Variants in TUSC3 observed in about 807,000 individuals in gnomAD.
The protein encoded by TUSC3 is tumor suppressor candidate 3.
Under a neutral mutation model 44.8 loss-of-function variants are expected in TUSC3, and 45 were observed. That is an observed-to-expected ratio of 1.00 (90% confidence interval 0.79 to 1.29). TUSC3 has a LOEUF of 1.29. Ranked by LOEUF, TUSC3 falls within the 50% of genes most tolerant of loss-of-function variation. TUSC3 has a pLI of 0.00. For missense variants in TUSC3, 519 were observed against 437.9 expected (o/e 1.19, Z -1.65); for synonymous variants, 212 against 152.9 (o/e 1.39, Z -2.85).
At chr8:15,662,081 A>T in intron 4 of TUSC3, 75 bp from the exon 5 acceptor site, 1 of 1,539,332 alleles carries the variant, frequency 6.5e-7, no homozygotes, top group Admixed American at 1.7e-5. Flanking sequence ...GTTGAAAATT[A>T]TGAGGACTAG....
intron 5 of TUSC3, among the ~76,000 whole-genome samples, chr8:15,662,907 C>T (rs35854756): frequency 0.2 from 29,725 of 151,756 alleles, 3,751 homozygotes; most frequent in Non-Finnish European, 0.29. Context: ...GAGCTGAATT[C>T]TGTAGAAGAA....
At chr8:15,726,737 C>T (rs1284927918) in intron 6 of TUSC3, among the ~76,000 whole-genome samples, 3 of 152,054 alleles carry the variant, frequency 2.0e-5, no homozygotes, top group Admixed American at 6.6e-5. Flanking sequence ...ACCCAGGAGG[C>T]GGAGGTTGCA....
At chr8:15,683,618 T>C (rs968107329) in intron 6 of TUSC3, among the ~76,000 whole-genome samples, 2 of 152,184 alleles carry the variant, frequency 1.3e-5, no homozygotes, top group African/African-American at 2.4e-5. Flanking sequence ...GTCCAGGTTC[T>C]GAATTTATAT....
At chr8:15,842,786 C>T in the TUSC3 span, among the ~76,000 whole-genome samples, 5 of 152,172 alleles carry the variant, frequency 3.3e-5, no homozygotes, top group Non-Finnish European at 7.3e-5. Flanking sequence ...GAAACATGAA[C>T]ACGTGGCACC....
intron 2 of TUSC3, among the ~76,000 whole-genome samples, chr8:15,518,456 C>G (rs73193332): frequency 4.6e-5 from 7 of 151,994 alleles, no homozygotes; most frequent in African/African-American, 1.7e-4. Context: ...TATTTCTTCT[C>G]TGTATTAAAG....
chr8:15,722,231 G>A (rs1305628960), intron 6 of TUSC3, among the ~76,000 whole-genome samples: 1 of 151,044 alleles, frequency 6.6e-6, no homozygotes, highest in Non-Finnish European at 1.5e-5. Context: ...CCTTAGTATT[G>A]ATGGGTTTTG....
the TUSC3 span, among the ~76,000 whole-genome samples, chr8:15,851,360 A>T: frequency 6.6e-6 from 1 of 152,186 alleles, no homozygotes; most frequent in African/African-American, 2.4e-5. Flanking sequence ...GACAATGTAC[A>T]ATAGGTAATT....
At chr8:15,578,140 C>T (rs1302306681) in intron 1 of TUSC3, among the ~76,000 whole-genome samples, 1 of 145,800 alleles carries the variant, frequency 6.9e-6, no homozygotes, top group Non-Finnish European at 1.5e-5. Flanking sequence ...TATAAGAATG[C>T]TTGTGATTTT....
intron 1 of TUSC3, among the ~76,000 whole-genome samples, chr8:15,477,149 T>C (rs1467422199): frequency 1.3e-5 from 2 of 152,168 alleles, no homozygotes; most frequent in African/African-American, 4.8e-5. Context: ...TCTTTTGATT[T>C]AGTTCTGGGA....
intron 1 of TUSC3, among the ~76,000 whole-genome samples, chr8:15,457,003 C>G (rs989276103): frequency 6.6e-6 from 1 of 152,036 alleles, no homozygotes; most frequent in African/African-American, 2.4e-5. Flanking sequence ...CAGAAACTAG[C>G]AAATGAACTC....
chr8:15,584,517 A>G (rs1311800582), intron 1 of TUSC3, among the ~76,000 whole-genome samples: 4 of 152,198 alleles, frequency 2.6e-5, no homozygotes, highest in Non-Finnish European at 4.4e-5. Context: ...GAGACAGGAA[A>G]ACTAACAAGA....
chr8:15,784,487 ATGT>A, the TUSC3 span, among the ~76,000 whole-genome samples: 1 of 149,668 alleles, frequency 6.7e-6, no homozygotes, highest in Non-Finnish European at 1.5e-5. Flanking sequence ...GATTCGAAAA[ATGT>A]TATGTGTATG....
the TUSC3 span, among the ~76,000 whole-genome samples, chr8:15,836,986 AG>A: frequency 6.6e-6 from 1 of 151,254 alleles, no homozygotes; most frequent in Non-Finnish European, 1.5e-5. Flanking sequence ...AATAATAACT[AG>A]TTTTTTTTCT....
chr8:15,515,845 A>G (rs977337219), intron 2 of TUSC3, among the ~76,000 whole-genome samples: 1 of 151,144 alleles, frequency 6.6e-6, no homozygotes, highest in African/African-American at 2.4e-5. Context: ...TTTTTTTTGT[A>G]TTTTTAGTAG....
At chr8:15,806,282 G>C in the TUSC3 span, 1 of 645,584 alleles carries the variant, frequency 1.5e-6, no homozygotes. Flanking sequence ...TGTTCTCATT[G>C]GCTAATGTGT....
intron 1 of TUSC3, among the ~76,000 whole-genome samples, chr8:15,578,460 A>C (rs1803198072): frequency 8.5e-6 from 1 of 118,014 alleles, no homozygotes. Flanking sequence ...TTTGTCATAG[A>C]TAGCTCTTAT....
At chr8:15,644,598 G>T (rs1806541396) in intron 2 of TUSC3, among the ~76,000 whole-genome samples, 1 of 152,022 alleles carries the variant, frequency 6.6e-6, no homozygotes, top group Admixed American at 6.6e-5. Flanking sequence ...GGTTTTCTCT[G>T]TCCCCTATTA....
chr8:15,756,393 A>T (rs1418289384), intron 9 of TUSC3, among the ~76,000 whole-genome samples: 1 of 152,136 alleles, frequency 6.6e-6, no homozygotes, highest in Non-Finnish European at 1.5e-5. Flanking sequence ...GAAATGTAGT[A>T]GGTTCTCAAT....
upstream of TUSC3, among the ~76,000 whole-genome samples, chr8:15,537,762 A>G (rs1219531232): frequency 6.6e-6 from 1 of 152,212 alleles, no homozygotes. Flanking sequence ...TTGAAGTACC[A>G]TTGCTTACAA....
Sources: gnomAD v4.1 joint callset for allele counts (sites outside exome capture counted in the v4.1 genomes callset) on GRCh38, gnomAD v4.1.1 for gene constraint, MANE v1.5 for transcripts, NCBI Gene and HGNC (gene_info 2026-07-23, HGNC 2026-07-21) for gene names.